Variants in ST8SIA2 observed in about 807,000 individuals in gnomAD.
ST8SIA2 encodes the protein alpha-2,8-sialyltransferase 8B.
ST8SIA2 carries 22 observed loss-of-function variants against 37.6 expected under a neutral mutation model. That is an observed-to-expected ratio of 0.58 (90% CI 0.42 to 0.83). The LOEUF (loss-of-function observed/expected upper bound fraction) is 0.83, where lower values mean the gene tolerates loss of function less well. ST8SIA2 is among the 40% of genes least tolerant of loss of function. The pLI is 0.00. For synonymous variants in ST8SIA2, 205 were observed against 201.2 expected (o/e 1.02, Z -0.16); for missense variants, 382 against 484.7 (o/e 0.79, Z 1.99).
intron 1 of ST8SIA2, among the ~76,000 whole-genome samples, chr15:92,399,710 C>G (rs563368777): frequency 5.3e-5 from 8 of 152,266 alleles, no homozygotes; most frequent in African/African-American, 1.9e-4. Flanking sequence ...CTCACTTGCT[C>G]CAAGTCCTTA....
intron 2 of ST8SIA2, among the ~76,000 whole-genome samples, chr15:92,431,273 G>C (rs1439064902): frequency 6.6e-6 from 1 of 152,184 alleles, no homozygotes; most frequent in Non-Finnish European, 1.5e-5. Context: ...AGTATGAGAA[G>C]TGGAAAAAAA....
intron 1 of ST8SIA2, among the ~76,000 whole-genome samples, chr15:92,426,908 A>G (rs912820105): frequency 2.0e-5 from 3 of 152,210 alleles, no homozygotes; most frequent in East Asian, 1.9e-4. Flanking sequence ...AACCTGGCCA[A>G]CATGGTGAAA....
Position 92,403,982 on chromosome 15 carries a change from A to G in ST8SIA2, c.98+9820A>G, listed in dbSNP as rs533798861. 8.5e-5 allele frequency among the ~76,000 whole-genome samples: 13 copies of G among 152,326 alleles called. No homozygotes were observed. The East Asian group carries it at 2.5e-3, about 29-fold the overall frequency. The stretch of plus-strand genomic sequence containing the variant: ...CGTGCTGACAGACGGCATCCCAAAG[A>G]AAGACCTGTGATGGCCCAGCCTTGG... On this transcript the variant is annotated intron_variant, in intron 1 of 5. Transcript: ENST00000268164.
intron 1 of ST8SIA2, among the ~76,000 whole-genome samples, chr15:92,400,801 C>T (rs1273968509): frequency 1.3e-5 from 2 of 152,204 alleles, no homozygotes; most frequent in African/African-American, 2.4e-5. Flanking sequence ...TAATCCCCTT[C>T]AGGGCTTCCA....
intron 1 of ST8SIA2, among the ~76,000 whole-genome samples, chr15:92,395,548 C>T (rs144653017): frequency 4.7e-4 from 71 of 152,332 alleles, no homozygotes; most frequent in African/African-American, 1.7e-3. Flanking sequence ...CTCTCATTCT[C>T]GGTTTCCCCA....
intron 5 of ST8SIA2, among the ~76,000 whole-genome samples, chr15:92,448,378 G>T (rs2049857153): frequency 1.3e-5 from 2 of 152,236 alleles, no homozygotes; most frequent in Admixed American, 6.5e-5. Flanking sequence ...GCCTTGGTGG[G>T]ACCTTACCTG....
chr15:92,407,244 G>A lies in ST8SIA2; in HGVS notation c.98+13082G>A, dbSNP rs571151557. On this transcript the variant is annotated intron_variant, in intron 1 of 5. Transcript: ENST00000268164. ...GCGATCTAGCTGGCTGTTTTCCAAG[G>A]TGCCAGGGGTTTAGCCTTTAGCCAT... Among the ~76,000 whole-genome samples the A allele has an allele frequency of 1.2e-3, 181 of 152,294 alleles. 1 individual carries two copies. The highest frequency in any genetic ancestry group is 4.2e-3 in the African/African-American group (175 of 41,562).
chr15:92,462,591 C>T (rs755435624), intron 5 of ST8SIA2, among the ~76,000 whole-genome samples: 11 of 152,174 alleles, frequency 7.2e-5, no homozygotes, highest in Non-Finnish European at 1.5e-4. Flanking sequence ...TTACTTCTGG[C>T]CTGAATTTAA....
intron 3 of ST8SIA2, among the ~76,000 whole-genome samples, chr15:92,437,803 A>C (rs769970138): frequency 1.3e-5 from 2 of 152,074 alleles, no homozygotes; most frequent in Non-Finnish European, 2.9e-5. Flanking sequence ...AGACAAATTT[A>C]TTATCCTTTT....
intron 1 of ST8SIA2, among the ~76,000 whole-genome samples, chr15:92,414,239 C>A (rs955526923): frequency 6.6e-6 from 1 of 152,220 alleles, no homozygotes; most frequent in Non-Finnish European, 1.5e-5. Flanking sequence ...TGCACACACT[C>A]CCCTTGCCCT....
intron 5 of ST8SIA2, among the ~76,000 whole-genome samples, chr15:92,451,252 G>A (rs562608290): frequency 6.6e-6 from 1 of 152,306 alleles, no homozygotes; most frequent in South Asian, 2.1e-4. Flanking sequence ...TTAGGGACAG[G>A]GATGGCAATG....
rs2049985267 is a variant in ST8SIA2 at position 92,465,436 on chromosome 15, T to C, written c.*1051T>C. 1 of 152,204 alleles carries C rather than the reference T, an allele frequency of 6.6e-6. No homozygotes were observed. The highest frequency in any genetic ancestry group is 6.5e-5 in the Admixed American group (1 of 15,286). The allele number at this position is 152,204 out of a possible 1,614,324, so 9.4% of individuals were successfully genotyped here. ...CTTAAAATACATATGATTGCCTTTTTGGGTGCCTCACAGAGCCCCAGAGTG... is the reference window on the plus strand; with the variant it reads ...CTTAAAATACATATGATTGCCTTTTCGGGTGCCTCACAGAGCCCCAGAGTG... On this transcript the variant is annotated 3_prime_UTR_variant, in exon 6 of 6. Coordinates refer to ENST00000268164, the MANE Select transcript of ST8SIA2 (RefSeq NM_006011.4).
rs2049987418 is a variant in ST8SIA2 at position 92,465,720 on chromosome 15, T to C, written c.*1335T>C. On this transcript the variant is annotated 3_prime_UTR_variant, in exon 6 of 6. Transcript: ENST00000268164. Reference sequence around the variant, plus strand: ...TCTTCCCACAGAAGCAATTTTAGAATTTTGCAAAATTCTTTTCCCCTTATT... The same window carrying C: ...TCTTCCCACAGAAGCAATTTTAGAACTTTGCAAAATTCTTTTCCCCTTATT... 6.6e-6 allele frequency: 1 copy of C among 151,980 alleles called. No individual in the cohort carries two copies. Among genetic ancestry groups the C allele is most frequent in the Admixed American group, 6.6e-5 (1 of 15,258 alleles). 9.4% of individuals were successfully genotyped at this position (151,980 alleles called of 1,614,324 possible).
At position 92,438,551 on chromosome 15, in the gene ST8SIA2, G is replaced by A. The variant is rs778317545; in HGVS notation, c.489G>A (p.Ser163=). ...HFGTCAIVGN[S]GVLLNSGCGQ... is the part of the protein sequence containing the mutation. ...GGACTTGTGCCATCGTGGGCAACTC[G>A]GGGGTCTTGCTGAACAGCGGCTGTG... Residue 163 remains serine (S), a synonymous_variant, in exon 4 of 6, where the codon TCG becomes TCA. Coordinates refer to ENST00000268164, the MANE Select transcript of ST8SIA2 (RefSeq NM_006011.4). 22 of 1,613,892 alleles carry A rather than the reference G, an allele frequency of 1.4e-5. No homozygotes were observed. The highest frequency in any genetic ancestry group is 1.6e-4 in the Middle Eastern group (1 of 6,084).
chr15:92,427,544 A>G (rs1437789878), intron 1 of ST8SIA2, among the ~76,000 whole-genome samples: 1 of 151,296 alleles, frequency 6.6e-6, no homozygotes, highest in Non-Finnish European at 1.5e-5. Flanking sequence ...ATCTGTCGAC[A>G]TTTTTTTTTG....
chr15:92,434,490 A>G (rs1271789858), intron 3 of ST8SIA2, 115 bp downstream of exon 3: 20 of 1,468,674 alleles, frequency 1.4e-5, no homozygotes, highest in Non-Finnish European at 1.9e-5. Flanking sequence ...TTTACCTCCC[A>G]CTGAGGCAGG....
rs1039771701 is a variant in ST8SIA2 at position 92,466,657 on chromosome 15, G to C, written c.*2272G>C. 6.6e-6 allele frequency: 1 copy of C among 152,256 alleles called. No homozygotes were observed. The highest frequency in any genetic ancestry group is 1.5e-5 in the Non-Finnish European group (1 of 68,102). The allele number at this position is 152,256 out of a possible 1,614,324, so 9.4% of individuals were successfully genotyped here. ...CTAAAATTGAAGCTGATATGAGCTG[G>C]AGTGCAAGGAGTCCTTCCACCCTGC... On this transcript the variant is annotated 3_prime_UTR_variant, in exon 6 of 6. Coordinates refer to ENST00000268164, the MANE Select transcript of ST8SIA2 (RefSeq NM_006011.4).
At chr15:92,426,029 G>A (rs554921486) in intron 1 of ST8SIA2, among the ~76,000 whole-genome samples, 31 of 152,150 alleles carry the variant, frequency 2.0e-4, no homozygotes, top group African/African-American at 6.5e-4. Context: ...TGGTTAACAC[G>A]CCCCCTCGAG....
At chr15:92,450,407 A>C (rs767841680) in intron 5 of ST8SIA2, among the ~76,000 whole-genome samples, 2 of 152,262 alleles carry the variant, frequency 1.3e-5, no homozygotes, top group African/African-American at 4.8e-5. Flanking sequence ...GTCTGTTTTC[A>C]CACTGCTATA....
Sources: allele counts gnomAD v4.1 joint callset (sites outside exome capture counted in the v4.1 genomes callset), GRCh38; gene constraint gnomAD v4.1.1; transcripts MANE v1.5; gene names NCBI Gene and HGNC (gene_info 2026-07-23, HGNC 2026-07-21).